APBB1IP: variants seen among roughly 807,000 people sequenced by gnomAD.
The protein encoded by APBB1IP is amyloid beta A4 precursor protein-binding family B member 1-interacting protein.
APBB1IP carries 27 observed loss-of-function variants against 64.9 expected under a neutral mutation model. That is an observed-to-expected ratio of 0.42 (90% confidence interval 0.31 to 0.57). APBB1IP has a LOEUF of 0.57. APBB1IP is among the 20% of genes least tolerant of loss of function. The pLI is 0.20. For missense variants in APBB1IP, 812 were observed against 845.5 expected (o/e 0.96, Z 0.49); for synonymous variants, 392 against 331.0 (o/e 1.18, Z -2.00).
At chr10:26,550,332 G>C (rs1181862389) in intron 11 of APBB1IP, among the ~76,000 whole-genome samples, 1 of 151,830 alleles carries the variant, frequency 6.6e-6, no homozygotes, top group African/African-American at 2.4e-5. Flanking sequence ...TTATTTATTT[G>C]AATAAGCTTT....
intron 2 of APBB1IP, among the ~76,000 whole-genome samples, chr10:26,488,348 G>A (rs538841322): frequency 1.3e-5 from 2 of 151,754 alleles, no homozygotes; most frequent in Non-Finnish European, 2.9e-5. Context: ...CCATCATCCC[G>A]TCTCAGCCTC....
intron 11 of APBB1IP, among the ~76,000 whole-genome samples, chr10:26,548,475 A>T (rs996568174): frequency 2.4e-4 from 37 of 151,886 alleles, no homozygotes; most frequent in East Asian, 3.9e-4. Flanking sequence ...AATTCTTCCA[A>T]TTTATGAACA....
At chr10:26,475,194 T>C (rs991152583) in intron 2 of APBB1IP, among the ~76,000 whole-genome samples, 1 of 151,350 alleles carries the variant, frequency 6.6e-6, no homozygotes, top group Admixed American at 6.6e-5. Flanking sequence ...GCAATCTCGG[T>C]TCACTGCAAC....
At chr10:26,502,496 G>T (rs1029031366) in intron 5 of APBB1IP, among the ~76,000 whole-genome samples, 3 of 152,102 alleles carry the variant, frequency 2.0e-5, no homozygotes, top group Admixed American at 6.6e-5. Flanking sequence ...AAAAAAATTA[G>T]CCAGGCATGG....
At chr10:26,533,556 G>T in intron 9 of APBB1IP, 31 bp downstream of exon 9, 1 of 1,430,672 alleles carries the variant, frequency 7.0e-7, no homozygotes, top group South Asian at 1.3e-5. Flanking sequence ...TGGAAGAAAA[G>T]AGAAGGACGT....
chr10:26,545,653 G>C (rs984724879), intron 11 of APBB1IP, among the ~76,000 whole-genome samples: 210 of 151,916 alleles, frequency 1.4e-3, no homozygotes, highest in Non-Finnish European at 2.5e-3. Flanking sequence ...CCAGCTACTC[G>C]AGAGGCTGAG....
chr10:26,485,265 C>A (rs555769784), intron 2 of APBB1IP, among the ~76,000 whole-genome samples: 1 of 152,184 alleles, frequency 6.6e-6, no homozygotes, highest in South Asian at 2.1e-4. Flanking sequence ...TGATAGTTCT[C>A]GGAACCATGT....
intron 6 of APBB1IP, among the ~76,000 whole-genome samples, chr10:26,510,495 C>A (rs767484280): frequency 7.2e-5 from 11 of 152,016 alleles, no homozygotes; most frequent in Non-Finnish European, 1.5e-4. Flanking sequence ...CACTTTAGGC[C>A]GGTGAGGCAG....
intron 14 of APBB1IP, among the ~76,000 whole-genome samples, chr10:26,565,722 A>C (rs1240320852): frequency 2.0e-5 from 3 of 152,218 alleles, no homozygotes; most frequent in African/African-American, 7.2e-5. Flanking sequence ...AACACCATGA[A>C]GATGGTGACT....
chr10:26,503,367 G>T, intron 6 of APBB1IP, 93 bp downstream of exon 6: 7 of 1,249,724 alleles, frequency 5.6e-6, no homozygotes, highest in Non-Finnish European at 6.8e-6. Flanking sequence ...CGGGCGCGGT[G>T]GCTCACACCT....
intron 2 of APBB1IP, among the ~76,000 whole-genome samples, chr10:26,475,511 A>G (rs1227202936): frequency 2.0e-5 from 3 of 152,116 alleles, no homozygotes; most frequent in Non-Finnish European, 4.4e-5. Context: ...TTTCCTTCAC[A>G]CAATCCCAGG....
At chr10:26,441,966 G>A (rs1835342553) in intron 2 of APBB1IP, among the ~76,000 whole-genome samples, 3 of 152,170 alleles carry the variant, frequency 2.0e-5, no homozygotes, top group Non-Finnish European at 4.4e-5. Flanking sequence ...AGCACAGAGA[G>A]GGTAAGAAAC....
intron 11 of APBB1IP, among the ~76,000 whole-genome samples, chr10:26,549,230 T>G (rs1438581987): frequency 1.3e-5 from 2 of 152,222 alleles, no homozygotes; most frequent in Non-Finnish European, 2.9e-5. Context: ...GGATTGCTAG[T>G]ATTTTTTTGA....
intron 5 of APBB1IP, chr10:26,501,510 T>C (rs915816827): frequency 1.1e-5 from 3 of 278,638 alleles, no homozygotes; most frequent in African/African-American, 6.4e-5. Context: ...CTGAGTAGAG[T>C]GAAATTGAAT....
At position 26,561,064 on chromosome 10, in the gene APBB1IP, CTTTT is replaced by C. The variant is rs764573338; in HGVS notation, c.1369+241_1369+244del. 5.7e-3 allele frequency among the ~76,000 whole-genome samples: 396 copies of C among 69,146 alleles called. 1 individual carries two copies. Among genetic ancestry groups the C allele is most frequent in the African/African-American group, 0.022 (375 of 16,800 alleles). 45.4% of individuals were successfully genotyped at this position (69,146 alleles called of 152,430 possible). A position where few individuals can be genotyped will look rare whatever the true frequency, so the allele number is the denominator to read the frequency against. ...CTTTTCTTTTTTTCTTTCTTTCTTTCTTTTTTTTTTTTTTTTTTTTTTTTGAGAC... is the reference window on the plus strand; with the variant it reads ...CTTTTCTTTTTTTCTTTCTTTCTTTCTTTTTTTTTTTTTTTTTTTTGAGAC... On this transcript the variant is annotated intron_variant, in intron 13 of 14. Coordinates refer to ENST00000376236, the MANE Select transcript of APBB1IP (RefSeq NM_019043.4).
chr10:26,444,114 G>C (rs1381198452), intron 2 of APBB1IP, among the ~76,000 whole-genome samples: 1 of 152,202 alleles, frequency 6.6e-6, no homozygotes, highest in African/African-American at 2.4e-5. Flanking sequence ...TAACCAAGTG[G>C]CTATCTGGGG....
At chr10:26,487,042 A>G (rs1421054656) in intron 2 of APBB1IP, among the ~76,000 whole-genome samples, 1 of 152,194 alleles carries the variant, frequency 6.6e-6, no homozygotes, top group East Asian at 1.9e-4. Context: ...ACATAAAATG[A>G]ACTCAGAAGT....
At chr10:26,490,076 CA>C (rs1835936658) in intron 2 of APBB1IP, among the ~76,000 whole-genome samples, 1 of 152,016 alleles carries the variant, frequency 6.6e-6, no homozygotes, top group Non-Finnish European at 1.5e-5. Flanking sequence ...TTTAAGAAAG[CA>C]AAGTTAGTGT....
Position 26,496,404 on chromosome 10 carries a change from A to G in APBB1IP, c.160+13A>G. ...AAAGATTTAAATGGTAAGCATAACA[A>G]TTTCTTTTCTTAAGTAATTCAAAAT... On this transcript the variant is annotated intron_variant, in intron 4 of 14. Transcript: ENST00000376236. 1 of 1,582,420 alleles carries G rather than the reference A, an allele frequency of 6.3e-7. No individual in the cohort carries two copies. Among genetic ancestry groups the G allele is most frequent in the South Asian group, 1.1e-5 (1 of 89,624 alleles).
Sources: allele counts gnomAD v4.1 joint callset (sites outside exome capture counted in the v4.1 genomes callset), GRCh38; gene constraint gnomAD v4.1.1; transcripts MANE v1.5; gene names NCBI Gene and HGNC (gene_info 2026-07-23, HGNC 2026-07-21).